The following CELF2 variants were observed in gnomAD, a reference collection of about 807,000 sequenced individuals.
CELF2 encodes the protein CUGBP Elav-like family member 2.
In CELF2, 8 loss-of-function variants were observed where a neutral mutation model predicts 62.6. The observed-to-expected ratio is 0.13, with a 90% CI of 0.07 to 0.23. The LOEUF (loss-of-function observed/expected upper bound fraction) is 0.23. CELF2 is among the 10% of genes least tolerant of loss of function. The pLI is 1.00. For synonymous variants in CELF2, 258 were observed against 250.0 expected, an observed-to-expected ratio of 1.03 and a Z score of -0.30; for missense variants, 333 against 671.0, an observed-to-expected ratio of 0.50 and a Z score of 5.56.
intron 1 of CELF2, among the ~76,000 whole-genome samples, chr10:11,047,700 T>C (rs2063112951): frequency 6.6e-6 from 1 of 152,194 alleles, no homozygotes; most frequent in African/African-American, 2.4e-5. Flanking sequence ...AAAGTAGTGA[T>C]GAGATCTTGT....
chr10:10,766,878 C>T, the CELF2 span, among the ~76,000 whole-genome samples: 7 of 152,186 alleles, frequency 4.6e-5, no homozygotes, highest in South Asian at 2.1e-4. Flanking sequence ...CTTCCTTGGA[C>T]GAACTTGTAC....
intron 2 of CELF2, among the ~76,000 whole-genome samples, chr10:10,940,883 A>G (rs924370462): frequency 2.0e-5 from 3 of 152,194 alleles, no homozygotes; most frequent in African/African-American, 7.2e-5. Context: ...CTTTTGTAGC[A>G]ATCATGATTT....
In CELF2 at chr10:11,010,739, G is replaced by T. The variant is rs151121806; in HGVS notation, c.53+5299G>T. ...TTTTAAAGACATTTCTTTCTCTGGT[G>T]CTGTGGTTCCACTGTAGACGTTGAT... On this transcript the variant is annotated intron_variant, in intron 1 of 12. Coordinates refer to the CELF2 transcript ENST00000416382. The surrounding 1 kb of genome is among the most constrained non-coding windows in gnomAD (Gnocchi z 4.1). Among the ~76,000 whole-genome samples, 295 of 152,280 alleles carry T rather than the reference G, an allele frequency of 1.9e-3. 2 individuals are homozygous for T. The highest frequency in any genetic ancestry group is 6.6e-3 in the African/African-American group (273 of 41,544).
At chr10:11,031,791 T>C (rs1397548420) in intron 1 of CELF2, among the ~76,000 whole-genome samples, 1 of 152,156 alleles carries the variant, frequency 6.6e-6, no homozygotes, top group Non-Finnish European at 1.5e-5. Context: ...CTTTCAGAAA[T>C]CAGACTGTAA....
At chr10:10,664,286 C>A in the CELF2 span, among the ~76,000 whole-genome samples, 29 of 152,162 alleles carry the variant, frequency 1.9e-4, no homozygotes, top group Non-Finnish European at 2.1e-4. Flanking sequence ...TTCAAATATT[C>A]ATTGTATCGT....
At chr10:10,723,029 C>T in the CELF2 span, among the ~76,000 whole-genome samples, 6 of 152,170 alleles carry the variant, frequency 3.9e-5, no homozygotes, top group Admixed American at 3.3e-4. Context: ...TGATTCCTCC[C>T]TCATCCATCA....
At chr10:10,878,026 C>A (rs1161281353) in intron 1 of CELF2, among the ~76,000 whole-genome samples, 1 of 152,072 alleles carries the variant, frequency 6.6e-6, no homozygotes, top group East Asian at 1.9e-4. Context: ...GAAAACAGAC[C>A]AACGGAGGGG....
intron 2 of CELF2, among the ~76,000 whole-genome samples, chr10:10,992,078 G>A (rs955227688): frequency 3.3e-5 from 5 of 152,078 alleles, no homozygotes; most frequent in Non-Finnish European, 7.4e-5. Context: ...CACTCTAATG[G>A]GGCCCCAGAC....
chr10:11,206,235 G>A (rs2060396491), intron 2 of CELF2, among the ~76,000 whole-genome samples: 1 of 152,176 alleles, frequency 6.6e-6, no homozygotes, highest in Non-Finnish European at 1.5e-5. Context: ...CAGTGAAGTG[G>A]AGACTTGAGA....
chr10:10,835,674 C>T (rs562376606), intron 1 of CELF2, among the ~76,000 whole-genome samples: 2 of 152,248 alleles, frequency 1.3e-5, no homozygotes, highest in South Asian at 2.1e-4. Flanking sequence ...TGAGCCACCA[C>T]GCCCAGCCCA....
Position 10,850,173 on chromosome 10 carries a change from G to T in CELF2, c.53+51356G>T, listed in dbSNP as rs1352536233. 2.6e-5 allele frequency among the ~76,000 whole-genome samples: 4 copies of T among 151,768 alleles called. 1 individual carries two copies. Among genetic ancestry groups the T allele is most frequent in the Admixed American group, 2.6e-4 (4 of 15,218 alleles). On this transcript the variant is annotated intron_variant, in intron 1 of 13. Coordinates refer to the CELF2 transcript ENST00000636488. The stretch of plus-strand genomic sequence containing the variant: ...CAAAAATAAAAAAATTAAAAAATTG[G>T]CCAATATAAGTAGCAAAGGAAGTTA...
chr10:11,208,491 A>G (rs2060979867), intron 2 of CELF2, among the ~76,000 whole-genome samples: 1 of 152,212 alleles, frequency 6.6e-6, no homozygotes. Context: ...CGTAACGCTA[A>G]CAGACTGAGC....
chr10:10,815,631 C>G (rs963521354), intron 1 of CELF2, among the ~76,000 whole-genome samples: 1 of 152,156 alleles, frequency 6.6e-6, no homozygotes, highest in Non-Finnish European at 1.5e-5. Flanking sequence ...TAGGCTCTGT[C>G]TGCAATCAAG....
chr10:10,485,337 A>G, the CELF2 span, among the ~76,000 whole-genome samples: 1 of 152,328 alleles, frequency 6.6e-6, no homozygotes, highest in Non-Finnish European at 1.5e-5. Flanking sequence ...TCTAATAAAC[A>G]GTTCTACTCA....
the CELF2 span, among the ~76,000 whole-genome samples, chr10:10,518,299 G>A: frequency 6.6e-6 from 1 of 152,208 alleles, no homozygotes. Context: ...ATGGACTTGA[G>A]ACAAATACTG....
chr10:10,915,628 T>C (rs2064256840), intron 1 of CELF2, among the ~76,000 whole-genome samples: 1 of 152,046 alleles, frequency 6.6e-6, no homozygotes, highest in Non-Finnish European at 1.5e-5. Flanking sequence ...AGGAAAGCAG[T>C]ATTGCTATGT....
the CELF2 span, among the ~76,000 whole-genome samples, chr10:10,737,091 A>G: frequency 6.6e-6 from 1 of 152,202 alleles, no homozygotes; most frequent in Admixed American, 6.5e-5. Flanking sequence ...TGGTACTTAT[A>G]TGTCCTAATC....
At chr10:10,468,511 G>A in the CELF2 span, among the ~76,000 whole-genome samples, 2 of 151,988 alleles carry the variant, frequency 1.3e-5, no homozygotes, top group Non-Finnish European at 2.9e-5. Flanking sequence ...GTTGATTGCT[G>A]TTGATCTGGA....
In CELF2 at chr10:11,285,393, C is replaced by T. The variant is rs991995747; in HGVS notation, c.842-3025C>T. On this transcript the variant is annotated intron_variant, in intron 8 of 12. Coordinates refer to ENST00000633077, the MANE Select transcript of CELF2 (RefSeq NM_001326342.2). The surrounding 1 kb of genome is among the most constrained non-coding windows in gnomAD (Gnocchi z 4.3). ...CAGAGACTCAGCCACTCCCCCTGGACTTTCCAGGCGGCAGCAGGGAAAGGC... is the reference window on the plus strand; with the variant it reads ...CAGAGACTCAGCCACTCCCCCTGGATTTTCCAGGCGGCAGCAGGGAAAGGC... Among the ~76,000 whole-genome samples the T allele has an allele frequency of 1.3e-5, 2 of 152,132 alleles. No individual in the cohort carries two copies. The highest frequency in any genetic ancestry group is 4.8e-5 in the African/African-American group (2 of 41,408).
Sources: gnomAD v4.1 joint callset for allele counts (sites outside exome capture counted in the v4.1 genomes callset) on GRCh38, gnomAD v4.1.1 for gene constraint, Gnocchi (gnomAD v3.1) non-coding constraint, MANE v1.5 for transcripts, NCBI Gene and HGNC (gene_info 2026-07-23, HGNC 2026-07-21) for gene names.